GALNTL6: variants seen among roughly 807,000 people sequenced by gnomAD.
GALNTL6 encodes polypeptide N-acetylgalactosaminyltransferase like 6.
GALNTL6 carries 46 observed loss-of-function variants against 73.7 expected under a neutral mutation model. The observed-to-expected ratio is 0.62, with a 90% CI of 0.49 to 0.80. The LOEUF (loss-of-function observed/expected upper bound fraction) is 0.80, where lower values mean the gene tolerates loss of function less well. Among genes scored for constraint, GALNTL6 ranks in the 30% least tolerant of loss-of-function variants. GALNTL6 has a pLI of 0.00. For missense variants in GALNTL6, 604 were observed against 755.0 expected, an observed-to-expected ratio of 0.80 and a Z score of 2.34; for synonymous variants, 259 against 263.7, an observed-to-expected ratio of 0.98 and a Z score of 0.17.
At chr4:172,199,721 A>G (rs944684047) in intron 2 of GALNTL6, among the ~76,000 whole-genome samples, 3 of 151,810 alleles carry the variant, frequency 2.0e-5, no homozygotes, top group Non-Finnish European at 4.4e-5. Flanking sequence ...TGGTAAATAG[A>G]TCATATTTAC....
At chr4:173,017,029 A>AATG in intron 11 of GALNTL6, among the ~76,000 whole-genome samples, 1 of 151,990 alleles carries the variant, frequency 6.6e-6, no homozygotes, top group Non-Finnish European at 1.5e-5. Flanking sequence ...TTTGCTTGGC[A>AATG]CTGCTCCTTG....
chr4:171,907,740 A>C (rs1253699896), intron 2 of GALNTL6, among the ~76,000 whole-genome samples: 1 of 151,236 alleles, frequency 6.6e-6, no homozygotes, highest in African/African-American at 2.5e-5. Context: ...CCTGACTTCA[A>C]ACTATACTAC....
chr4:172,991,576 TG>T (rs1751547641), intron 10 of GALNTL6, among the ~76,000 whole-genome samples: 2 of 151,380 alleles, frequency 1.3e-5, no homozygotes, highest in Admixed American at 6.7e-5. Context: ...ATTTTTGTGT[TG>T]TTTTTTTTTT....
At chr4:172,393,510 G>A (rs1743739831) in intron 5 of GALNTL6, among the ~76,000 whole-genome samples, 1 of 152,106 alleles carries the variant, frequency 6.6e-6, no homozygotes, top group Non-Finnish European at 1.5e-5. Context: ...AAACATCACA[G>A]GTGTTCATTA....
chr4:172,048,115 C>T (rs999678941), intron 2 of GALNTL6, among the ~76,000 whole-genome samples: 2 of 152,058 alleles, frequency 1.3e-5, no homozygotes, highest in Admixed American at 6.6e-5. Context: ...AATAAATATT[C>T]TTGAATGAAG....
chr4:172,522,491 A>T (rs1734809193), intron 5 of GALNTL6, among the ~76,000 whole-genome samples: 1 of 152,068 alleles, frequency 6.6e-6, no homozygotes, highest in Non-Finnish European at 1.5e-5. Flanking sequence ...ACCAACATAG[A>T]GAAACCCTGT....
chr4:172,765,094 A>G (rs1738331957), intron 5 of GALNTL6, among the ~76,000 whole-genome samples: 1 of 152,182 alleles, frequency 6.6e-6, no homozygotes, highest in African/African-American at 2.4e-5. Context: ...GGAAACAGCA[A>G]CTGAGTTTTC....
intron 2 of GALNTL6, among the ~76,000 whole-genome samples, chr4:171,818,439 A>G (rs186046825): frequency 6.6e-6 from 1 of 152,004 alleles, no homozygotes; most frequent in East Asian, 1.9e-4. Context: ...AAATAATTCA[A>G]GAATATTTAG....
intron 5 of GALNTL6, among the ~76,000 whole-genome samples, chr4:172,422,404 A>T (rs921394006): frequency 6.6e-6 from 1 of 151,826 alleles, no homozygotes; most frequent in African/African-American, 2.4e-5. Context: ...TTGACCTATT[A>T]TTTGACTAAT....
At chr4:171,865,537 C>A (rs2110885968) in intron 2 of GALNTL6, among the ~76,000 whole-genome samples, 1 of 152,162 alleles carries the variant, frequency 6.6e-6, no homozygotes, top group Non-Finnish European at 1.5e-5. Context: ...TTTTTTAGAG[C>A]TGTAGAAATT....
At chr4:171,924,920 G>A (rs1191049832) in intron 2 of GALNTL6, among the ~76,000 whole-genome samples, 1 of 152,136 alleles carries the variant, frequency 6.6e-6, no homozygotes, top group South Asian at 2.1e-4. Flanking sequence ...GAAATAATGA[G>A]CTCCACCTGT....
intron 5 of GALNTL6, among the ~76,000 whole-genome samples, chr4:172,407,091 T>C (rs1744265079): frequency 6.6e-6 from 1 of 152,060 alleles, no homozygotes; most frequent in Admixed American, 6.6e-5. Flanking sequence ...TTATAGGGTT[T>C]CCAAGATCTT....
At chr4:172,971,566 C>T (rs1750585121) in intron 10 of GALNTL6, among the ~76,000 whole-genome samples, 1 of 152,158 alleles carries the variant, frequency 6.6e-6, no homozygotes, top group Non-Finnish European at 1.5e-5. Flanking sequence ...CTGATTGTCG[C>T]ATAGGCATTA....
intron 5 of GALNTL6, among the ~76,000 whole-genome samples, chr4:172,658,149 C>CAAAAAAAAAA (rs58279803): frequency 0.19 from 967 of 5,004 alleles, 308 homozygotes; most frequent in Non-Finnish European, 0.25. Flanking sequence ...GACTCCGTCT[C>CAAAAAAAAAA]AAAAAAAAAA....
At chr4:172,842,704 C>T (rs1743276909) in intron 7 of GALNTL6, among the ~76,000 whole-genome samples, 2 of 150,156 alleles carry the variant, frequency 1.3e-5, no homozygotes, top group Non-Finnish European at 1.5e-5. Context: ...ACATAATGGA[C>T]TGGGGAGTTA....
intron 7 of GALNTL6, among the ~76,000 whole-genome samples, chr4:172,828,888 T>C (rs1339182277): frequency 6.6e-6 from 1 of 152,168 alleles, no homozygotes; most frequent in Non-Finnish European, 1.5e-5. Context: ...TACTACAAAC[T>C]GAGAGGCTTG....
chr4:171,986,722 C>T (rs376100882), intron 2 of GALNTL6, among the ~76,000 whole-genome samples: 4 of 151,762 alleles, frequency 2.6e-5, no homozygotes, highest in East Asian at 1.9e-4. Context: ...GCCTGGATAC[C>T]GTTTTGTATG....
chr4:172,340,454 C>A (rs1741521368), intron 4 of GALNTL6, among the ~76,000 whole-genome samples: 1 of 152,038 alleles, frequency 6.6e-6, no homozygotes, highest in African/African-American at 2.4e-5. Flanking sequence ...TATAGTTTTT[C>A]TTTCTTGTGG....
chr4:172,756,107 T>C (rs1376087048), intron 5 of GALNTL6, among the ~76,000 whole-genome samples: 1 of 152,210 alleles, frequency 6.6e-6, no homozygotes, highest in Non-Finnish European at 1.5e-5. Flanking sequence ...AGAATTCTGG[T>C]AGCTTAGCAA....
Sources: allele counts gnomAD v4.1 joint callset (sites outside exome capture counted in the v4.1 genomes callset), GRCh38; gene constraint gnomAD v4.1.1; transcripts MANE v1.5; gene names NCBI Gene and HGNC (gene_info 2026-07-23, HGNC 2026-07-21).